Variants in SIPA1L3 observed in about 807,000 individuals in gnomAD.
SIPA1L3 encodes the protein signal-induced proliferation-associated 1-like protein 3.
A neutral mutation model predicts 150.1 loss-of-function variants in SIPA1L3; 59 were observed. The ratio of observed to expected loss-of-function variants is 0.39; its 90% CI spans 0.32 to 0.49. The LOEUF (loss-of-function observed/expected upper bound fraction) is 0.49, where lower values mean the gene tolerates loss of function less well. Among genes scored for constraint, SIPA1L3 ranks in the 20% least tolerant of loss-of-function variants. The probability of loss-of-function intolerance (pLI) is 0.86; values close to 1 mark genes in which losing one functional copy is unlikely to be tolerated. For missense variants in SIPA1L3, 2,211 were observed against 2,489.5 expected (o/e 0.89, Z 2.38); for synonymous variants, 1,070 against 1,077.6 (o/e 0.99, Z 0.14).
At chr19:37,940,429 G>C (rs984141126) in intron 1 of SIPA1L3, among the ~76,000 whole-genome samples, 1 of 152,232 alleles carries the variant, frequency 6.6e-6, no homozygotes, top group African/African-American at 2.4e-5. Context: ...GCAAGATAAG[G>C]ATTCTTTAAA....
At chr19:38,065,078 A>G (rs904934328) in intron 2 of SIPA1L3, among the ~76,000 whole-genome samples, 2 of 152,366 alleles carry the variant, frequency 1.3e-5, no homozygotes, top group South Asian at 4.1e-4. Flanking sequence ...CATTTAACCT[A>G]TAAATAAAGT....
chr19:38,116,453 G>T (rs1393040093), intron 8 of SIPA1L3, among the ~76,000 whole-genome samples: 1 of 149,178 alleles, frequency 6.7e-6, no homozygotes, highest in Admixed American at 6.7e-5. Context: ...AACCCAGGAG[G>T]CAGAGGTTGC....
chr19:37,967,381 G>A (rs1195143996), intron 1 of SIPA1L3, among the ~76,000 whole-genome samples: 3 of 151,872 alleles, frequency 2.0e-5, no homozygotes, highest in African/African-American at 7.3e-5. Flanking sequence ...AGCCTCCCGA[G>A]TAGCTGGGAT....
chr19:37,995,633 AG>A (rs1328135489), intron 1 of SIPA1L3, among the ~76,000 whole-genome samples: 7 of 152,184 alleles, frequency 4.6e-5, no homozygotes, highest in Non-Finnish European at 1.0e-4. Context: ...CCAGATACAC[AG>A]GAAAATGGCC....
intron 2 of SIPA1L3, among the ~76,000 whole-genome samples, chr19:38,030,421 G>A (rs1418146755): frequency 1.3e-5 from 2 of 151,922 alleles, no homozygotes; most frequent in African/African-American, 4.8e-5. Context: ...AATTAGCTGG[G>A]CGTGGTGATG....
chr19:38,160,097 C>T (rs1402865646), intron 13 of SIPA1L3, among the ~76,000 whole-genome samples: 8 of 152,182 alleles, frequency 5.3e-5, no homozygotes, highest in Non-Finnish European at 8.8e-5. Context: ...CTGCAGCCTC[C>T]ACCTCCCAGG....
chr19:38,000,653 T>A (rs1356572038), intron 1 of SIPA1L3, among the ~76,000 whole-genome samples: 1 of 131,678 alleles, frequency 7.6e-6, no homozygotes, highest in Non-Finnish European at 1.6e-5. Flanking sequence ...CAAAATCTCC[T>A]AGGAAAGCAG....
chr19:38,011,761 A>G (rs988877207), intron 1 of SIPA1L3, among the ~76,000 whole-genome samples: 4 of 152,154 alleles, frequency 2.6e-5, no homozygotes, highest in Non-Finnish European at 5.9e-5. Flanking sequence ...GTTTGATGTA[A>G]TCCTTCTGGC....
intron 2 of SIPA1L3, among the ~76,000 whole-genome samples, chr19:38,054,024 A>G (rs1276310164): frequency 2.0e-5 from 3 of 152,146 alleles, no homozygotes; most frequent in Non-Finnish European, 4.4e-5. Context: ...CACACGGCAG[A>G]GCTGAGTTCA....
At chr19:38,134,121 C>T (rs1282882183) in intron 10 of SIPA1L3, among the ~76,000 whole-genome samples, 1 of 151,778 alleles carries the variant, frequency 6.6e-6, no homozygotes, top group Admixed American at 6.6e-5. Context: ...GTAGCTGGGA[C>T]TACAGGCATG....
intron 13 of SIPA1L3, among the ~76,000 whole-genome samples, chr19:38,158,254 T>G (rs1009074016): frequency 2.0e-5 from 3 of 152,030 alleles, no homozygotes; most frequent in Admixed American, 6.6e-5. Context: ...AAGTGGAAAC[T>G]GTCACAGTGT....
chr19:38,172,241 A>T (rs11672555), intron 15 of SIPA1L3, among the ~76,000 whole-genome samples: 20,470 of 152,180 alleles, frequency 0.13, 1,763 homozygotes, highest in Non-Finnish European at 0.18. Context: ...GTGAGAGTCC[A>T]GGGTGGCTGC....
At chr19:37,918,195 G>T (rs151133751) in intron 1 of SIPA1L3, among the ~76,000 whole-genome samples, 66 of 152,090 alleles carry the variant, frequency 4.3e-4, no homozygotes, top group Non-Finnish European at 8.5e-4. Context: ...TGAGCAGGGG[G>T]ACTAAGGAAG....
chr19:38,039,993 G>T (rs1348957308), intron 2 of SIPA1L3, among the ~76,000 whole-genome samples: 2 of 152,050 alleles, frequency 1.3e-5, no homozygotes, highest in Non-Finnish European at 2.9e-5. Flanking sequence ...TGTGCCTGTG[G>T]TCGCAGCTAC....
At chr19:38,142,450 G>T in intron 11 of SIPA1L3, 123 bp from the exon 12 acceptor site, 2 of 1,130,140 alleles carry the variant, frequency 1.8e-6, no homozygotes, top group Non-Finnish European at 2.5e-6. Context: ...CTGGGCGGGG[G>T]AAAGTTCGGT....
chr19:38,145,891 C>G (rs1971694615), intron 12 of SIPA1L3, among the ~76,000 whole-genome samples: 1 of 151,792 alleles, frequency 6.6e-6, no homozygotes, highest in Non-Finnish European at 1.5e-5. Flanking sequence ...GACAAAGTCT[C>G]ACTCTGTCAG....
chr19:37,960,536 TG>T (rs1318284573), intron 1 of SIPA1L3, among the ~76,000 whole-genome samples: 5 of 151,964 alleles, frequency 3.3e-5, no homozygotes, highest in African/African-American at 1.2e-4. Flanking sequence ...CCCGAGTAGC[TG>T]GGACTACAGG....
chr19:37,941,071 T>TACAC (rs869026715), intron 1 of SIPA1L3, among the ~76,000 whole-genome samples: 4,766 of 132,908 alleles, frequency 0.036, 144 homozygotes, highest in East Asian at 0.13. Flanking sequence ...GTTTGAGATG[T>TACAC]ACACACACAC....
intron 2 of SIPA1L3, among the ~76,000 whole-genome samples, chr19:38,077,662 T>TTTTC (rs1969872644): frequency 5.7e-5 from 1 of 17,694 alleles, no homozygotes; most frequent in African/African-American, 2.9e-4. Flanking sequence ...TTTCTTTTTC[T>TTTTC]TTTTTTTTTT....
Sources: gnomAD v4.1 joint callset for allele counts (sites outside exome capture counted in the v4.1 genomes callset) on GRCh38, gnomAD v4.1.1 for gene constraint, MANE v1.5 for transcripts, NCBI Gene and HGNC (gene_info 2026-07-23, HGNC 2026-07-21) for gene names.